Variants in FAM135B observed in about 807,000 individuals in gnomAD.
FAM135B encodes the protein protein FAM135B.
FAM135B carries 43 observed loss-of-function variants against 127.7 expected under a neutral mutation model. That is an observed-to-expected ratio of 0.34 (90% CI 0.26 to 0.43). The LOEUF is 0.43. FAM135B is among the 20% of genes least tolerant of loss of function. The pLI is 1.00. For missense variants in FAM135B, 1,558 were observed against 1,725.6 expected, an observed-to-expected ratio of 0.90 and a Z score of 1.72; for synonymous variants, 670 against 665.1, an observed-to-expected ratio of 1.01 and a Z score of -0.11.
At position 138,348,378 on chromosome 8, in the gene FAM135B, G is replaced by A. The variant is rs566829489; in HGVS notation, c.77+19529C>T. On this transcript the variant is annotated intron_variant, in intron 2 of 19. Coordinates refer to ENST00000395297, the MANE Select transcript of FAM135B (RefSeq NM_015912.4). ...TCGAACTCCTGACCTCAGGTGATCC[G>A]CCCACCTCGGCCTCCCAAAGTGCGG... is the stretch of plus-strand genomic sequence containing the variant. 5.3e-5 allele frequency among the ~76,000 whole-genome samples: 8 copies of A among 152,010 alleles called. No homozygotes were observed. The South Asian group carries it at 1.0e-3, about 20-fold the overall frequency.
At chr8:138,313,265 G>A (rs1032142797) in intron 2 of FAM135B, among the ~76,000 whole-genome samples, 1 of 152,046 alleles carries the variant, frequency 6.6e-6, no homozygotes, top group East Asian at 1.9e-4. Context: ...CCAAGTAGCT[G>A]GGATCACAGG....
intron 1 of FAM135B, among the ~76,000 whole-genome samples, chr8:138,469,161 A>G (rs893006976): frequency 3.9e-5 from 6 of 152,154 alleles, no homozygotes; most frequent in Non-Finnish European, 7.3e-5. Flanking sequence ...AGTAATGGAA[A>G]AAATGCTTAA....
intron 9 of FAM135B, among the ~76,000 whole-genome samples, chr8:138,180,276 CAG>C (rs1814885640): frequency 6.6e-6 from 1 of 152,124 alleles, no homozygotes; most frequent in African/African-American, 2.4e-5. Context: ...AGAGAGAACT[CAG>C]AGATGAACAA....
intron 1 of FAM135B, among the ~76,000 whole-genome samples, chr8:138,374,457 G>C (rs1831338925): frequency 6.6e-6 from 1 of 152,206 alleles, no homozygotes; most frequent in Non-Finnish European, 1.5e-5. Flanking sequence ...GGAGATGACT[G>C]GGCTATAAGC....
chr8:138,348,483 A>G (rs1332724698), intron 2 of FAM135B, among the ~76,000 whole-genome samples: 1 of 152,126 alleles, frequency 6.6e-6, no homozygotes, highest in Non-Finnish European at 1.5e-5. Context: ...TCAACACGAC[A>G]AAAGAAAATA....
At chr8:138,357,864 G>A (rs554732623) in intron 2 of FAM135B, among the ~76,000 whole-genome samples, 83 of 151,630 alleles carry the variant, frequency 5.5e-4, no homozygotes, top group Non-Finnish European at 9.6e-4. Context: ...CAGATGTAAA[G>A]TAAAAAAGAG....
At position 138,319,388 on chromosome 8, in the gene FAM135B, A is replaced by T. The variant is rs558054902; in HGVS notation, c.78-8468T>A. Among the ~76,000 whole-genome samples the T allele has an allele frequency of 2.6e-4, 40 of 152,278 alleles. No homozygotes were observed. The South Asian group carries it at 8.1e-3, about 31-fold the overall frequency. On this transcript the variant is annotated intron_variant, in intron 2 of 19. Transcript: ENST00000395297. Reference sequence around the variant, plus strand: ...TCCCAAAGTGCTAGGATTACAGGCGAGAGCCACTGGCCCGGCCTCCAAGTA... The same window carrying T: ...TCCCAAAGTGCTAGGATTACAGGCGTGAGCCACTGGCCCGGCCTCCAAGTA...
Position 138,334,158 on chromosome 8 carries a change from G to C in FAM135B, c.78-23238C>G, listed in dbSNP as rs532642434. 3.3e-5 allele frequency among the ~76,000 whole-genome samples: 5 copies of C among 152,168 alleles called. No individual in the cohort carries two copies. In the East Asian group the frequency reaches 9.7e-4, roughly 29 times the overall value. ...GGCTGGTCTCAAACTCCTGACCTCA[G>C]GTGATCCACCCTCCTTGGCCTCCCA... On this transcript the variant is annotated intron_variant, in intron 2 of 19. Coordinates refer to ENST00000395297, the MANE Select transcript of FAM135B (RefSeq NM_015912.4).
intron 10 of FAM135B, 56 bp downstream of exon 10, chr8:138,178,479 C>T (rs1015857581): frequency 1.3e-6 from 2 of 1,594,034 alleles, no homozygotes; most frequent in African/African-American, 2.7e-5. Context: ...CATAAAGGTT[C>T]CTCCAAAGAA....
At chr8:138,187,942 G>A (rs984972210) in intron 9 of FAM135B, among the ~76,000 whole-genome samples, 2 of 152,106 alleles carry the variant, frequency 1.3e-5, no homozygotes, top group Non-Finnish European at 2.9e-5. Flanking sequence ...CTAATATCAG[G>A]GAACCTCCAT....
chr8:138,293,966 A>G (rs921315524), intron 3 of FAM135B, among the ~76,000 whole-genome samples: 8 of 152,228 alleles, frequency 5.3e-5, no homozygotes, highest in African/African-American at 1.9e-4. Context: ...TTGCAGCACA[A>G]TTCACAATTG....
chr8:138,279,530 C>T (rs1824097822), intron 3 of FAM135B, among the ~76,000 whole-genome samples: 1 of 152,366 alleles, frequency 6.6e-6, no homozygotes, highest in East Asian at 1.9e-4. Flanking sequence ...CAGGCTCTGA[C>T]TCAGACTGAT....
intron 1 of FAM135B, among the ~76,000 whole-genome samples, chr8:138,431,219 C>G (rs1216038540): frequency 2.0e-5 from 3 of 152,168 alleles, no homozygotes; most frequent in African/African-American, 7.2e-5. Context: ...CACTTACACA[C>G]TAATGAAACT....
chr8:138,278,785 A>G (rs1362188990), intron 3 of FAM135B, among the ~76,000 whole-genome samples: 1 of 152,066 alleles, frequency 6.6e-6, no homozygotes, highest in Non-Finnish European at 1.5e-5. Flanking sequence ...TCTGGAGAAC[A>G]TGATTTTTTC....
chr8:138,189,429 A>G (rs1057023462), intron 9 of FAM135B, among the ~76,000 whole-genome samples: 10 of 152,226 alleles, frequency 6.6e-5, no homozygotes, highest in African/African-American at 2.4e-4. Context: ...TGTGGATGCA[A>G]AAGGCTGTTT....
chr8:138,490,241 C>G (rs1815144681), intron 1 of FAM135B, among the ~76,000 whole-genome samples: 2 of 152,184 alleles, frequency 1.3e-5, no homozygotes, highest in African/African-American at 4.8e-5. Context: ...AAGTTTTGAT[C>G]CAATTTTCTT....
chr8:138,481,995 G>A (rs938151664), intron 1 of FAM135B, among the ~76,000 whole-genome samples: 23 of 152,348 alleles, frequency 1.5e-4, no homozygotes, highest in Non-Finnish European at 3.2e-4. Flanking sequence ...GAAGGAGGGT[G>A]TGGAATTGTT....
At chr8:138,300,112 C>A (rs1306779231) in intron 3 of FAM135B, among the ~76,000 whole-genome samples, 1 of 151,956 alleles carries the variant, frequency 6.6e-6, no homozygotes, top group African/African-American at 2.4e-5. Flanking sequence ...GGATTACAGG[C>A]ACTATTTTTT....
intron 2 of FAM135B, among the ~76,000 whole-genome samples, chr8:138,333,481 G>A (rs1438013919): frequency 6.6e-6 from 1 of 152,082 alleles, no homozygotes; most frequent in East Asian, 1.9e-4. Context: ...CTCATGGGAA[G>A]CCTTCCCTGA....
Sources: allele counts gnomAD v4.1 joint callset (sites outside exome capture counted in the v4.1 genomes callset), GRCh38; gene constraint gnomAD v4.1.1; transcripts MANE v1.5; gene names NCBI Gene and HGNC (gene_info 2026-07-23, HGNC 2026-07-21).